Variants in PTPRS observed in about 807,000 individuals in gnomAD.
PTPRS encodes the protein receptor-type tyrosine-protein phosphatase S.
In PTPRS, 63 loss-of-function variants were observed where a neutral mutation model predicts 215.3. The ratio of observed to expected loss-of-function variants is 0.29; its 90% confidence interval spans 0.24 to 0.36. The LOEUF is 0.36. Among genes scored for constraint, PTPRS ranks in the 10% least tolerant of loss-of-function variants. The probability of loss-of-function intolerance (pLI) is 1.00; values close to 1 mark genes in which losing one functional copy is unlikely to be tolerated. For synonymous variants in PTPRS, 1,404 were observed against 1,191.4 expected (o/e 1.18, Z -3.68); for missense variants, 2,258 against 2,825.8 (o/e 0.80, Z 4.56).
chr19:5,220,929 C>G (rs573615789), intron 20 of PTPRS, 71 bp downstream of exon 20: 2 of 1,515,124 alleles, frequency 1.3e-6, no homozygotes, highest in Non-Finnish European at 1.8e-6. Context: ...AGAGAGGGCA[C>G]GTGGCTTGCC....
intron 9 of PTPRS, among the ~76,000 whole-genome samples, chr19:5,255,574 C>A (rs1324420093): frequency 3.0e-5 from 4 of 133,110 alleles, no homozygotes; most frequent in African/African-American, 8.5e-5. Context: ...GAAACAAAAC[C>A]AAAGAAAAAA....
chr19:5,307,520 G>T (rs2049537906), intron 1 of PTPRS, among the ~76,000 whole-genome samples: 1 of 152,016 alleles, frequency 6.6e-6, no homozygotes, highest in Admixed American at 6.6e-5. Flanking sequence ...TTAAGTGGGG[G>T]GGAAGAAAAC....
In PTPRS at chr19:5,274,187, A is replaced by C. The variant is rs757879729; in HGVS notation, c.237+12T>G. 3.1e-6 allele frequency: 5 copies of C among 1,604,786 alleles called. No homozygotes were observed. Among genetic ancestry groups the C allele is most frequent in the Non-Finnish European group, 4.3e-6 (5 of 1,172,926 alleles). ...CATTGACCCCAGGCTGCCTCCCCCT[A>C]CCCCAACTCACCTCAAAGCGCTGAG... On this transcript the variant is annotated intron_variant, in intron 3 of 37. Coordinates refer to ENST00000262963, the MANE Select transcript of PTPRS (RefSeq NM_002850.4).
intron 11 of PTPRS, among the ~76,000 whole-genome samples, chr19:5,243,351 G>T (rs1335302299): frequency 6.6e-6 from 1 of 151,604 alleles, no homozygotes; most frequent in Non-Finnish European, 1.5e-5. Flanking sequence ...GGCCAGGCTG[G>T]TCTCAAACTC....
rs557321158 is a variant in PTPRS at position 5,296,144 on chromosome 19, T to C, written c.-94-9910A>G. Reference sequence around the variant, plus strand: ...ACACAGTGACCAAGACTGACAAAGATCCCTGCCCTCAGGGTGTGGATGCTC... The same window carrying C: ...ACACAGTGACCAAGACTGACAAAGACCCCTGCCCTCAGGGTGTGGATGCTC... On this transcript the variant is annotated intron_variant, in intron 1 of 37. Coordinates refer to ENST00000262963, the MANE Select transcript of PTPRS (RefSeq NM_002850.4). Among the ~76,000 whole-genome samples, 11 of 152,204 alleles carry C rather than the reference T, an allele frequency of 7.2e-5. No individual in the cohort carries two copies. In the East Asian group the frequency reaches 2.1e-3, roughly 29 times the overall value.
chr19:5,288,293 C>G (rs2048533224), intron 1 of PTPRS, among the ~76,000 whole-genome samples: 1 of 152,098 alleles, frequency 6.6e-6, no homozygotes, highest in South Asian at 2.1e-4. Flanking sequence ...CATGTGCCAG[C>G]CAGCCAAATA....
intron 19 of PTPRS, 141 bp downstream of exon 19, chr19:5,221,982 A>C: frequency 3.0e-6 from 2 of 671,586 alleles, no homozygotes; most frequent in Non-Finnish European, 2.6e-6. Context: ...GTATTGACTA[A>C]GCCTCAATCC....
At chr19:5,280,045 G>T (rs2047717870) in intron 2 of PTPRS, among the ~76,000 whole-genome samples, 1 of 152,200 alleles carries the variant, frequency 6.6e-6, no homozygotes, top group South Asian at 2.1e-4. Flanking sequence ...AGAAAAAATG[G>T]AGCAAAACTT....
Position 5,216,171 on chromosome 19 carries a change from C to A in PTPRS, c.4096+549G>T, listed in dbSNP as rs185145642. Among the ~76,000 whole-genome samples, 94 of 152,236 alleles carry A rather than the reference C, an allele frequency of 6.2e-4. No individual in the cohort carries two copies. The East Asian group carries it at 0.018, about 28-fold the overall frequency. On this transcript the variant is annotated intron_variant, in intron 26 of 37. Transcript: ENST00000262963. ...TGAGGGGTCCCCATCTGTCCCTGCG[C>A]TTGCTTGGGGCAGGAGCAGGTGCAA...
chr19:5,277,008 A>G (rs2047429150), intron 2 of PTPRS, among the ~76,000 whole-genome samples: 2 of 151,134 alleles, frequency 1.3e-5, no homozygotes, highest in Admixed American at 1.3e-4. Flanking sequence ...GTACACAGTA[A>G]TGTTACAATG....
At chr19:5,228,361 A>AAAAAAAAAAAAAAAAAG (rs1555757601) in intron 16 of PTPRS, among the ~76,000 whole-genome samples, 4 of 144,056 alleles carry the variant, frequency 2.8e-5, no homozygotes, top group African/African-American at 1.1e-4. Context: ...AAAAAAAAAA[A>AAAAAAAAAAAAAAAAAG]AAGAGACAGG....
chr19:5,276,172 C>G (rs566790896), intron 2 of PTPRS, among the ~76,000 whole-genome samples: 2 of 152,212 alleles, frequency 1.3e-5, no homozygotes, highest in South Asian at 2.1e-4. Flanking sequence ...CCATGACGAT[C>G]TGATGTATTC....
intron 2 of PTPRS, among the ~76,000 whole-genome samples, chr19:5,284,410 A>G (rs1458147647): frequency 7.3e-6 from 1 of 136,218 alleles, no homozygotes; most frequent in Non-Finnish European, 1.6e-5. Context: ...TAAATAAATA[A>G]ATAAATAAAA....
intron 9 of PTPRS, among the ~76,000 whole-genome samples, chr19:5,255,856 C>T (rs973705563): frequency 3.3e-5 from 5 of 152,212 alleles, no homozygotes; most frequent in Non-Finnish European, 4.4e-5. Context: ...GGCCCTAGGC[C>T]GGGCTGGGCG....
At chr19:5,319,536 G>C (rs1169604037) in intron 1 of PTPRS, among the ~76,000 whole-genome samples, 1 of 150,596 alleles carries the variant, frequency 6.6e-6, no homozygotes, top group East Asian at 2.0e-4. Context: ...GTCAGGTCCT[G>C]TCCCTCCTCT....
rs980732208 is a variant in PTPRS at position 5,339,775 on chromosome 19, G to A, written c.-95+889C>T. ...CACCTCCCCTCCCCCCGCAGCCCCC[G>A]GGGGCTCCCGGGGCGTGCGGAACCC... On this transcript the variant is annotated intron_variant, in intron 1 of 37. Transcript: ENST00000262963. This position sits in a 1 kb window ranked among gnomAD's most constrained non-coding sequence, Gnocchi z 4.2. Among the ~76,000 whole-genome samples the A allele has an allele frequency of 6.6e-6, 1 of 151,442 alleles. No individual in the cohort carries two copies.
At chr19:5,209,558 T>C (rs2040671582) in intron 35 of PTPRS, among the ~76,000 whole-genome samples, 1 of 152,234 alleles carries the variant, frequency 6.6e-6, no homozygotes. Flanking sequence ...GTACCACCCA[T>C]TGGTTTATAC....
chr19:5,288,241 G>C (rs1280846558), intron 1 of PTPRS, among the ~76,000 whole-genome samples: 1 of 152,168 alleles, frequency 6.6e-6, no homozygotes, highest in South Asian at 2.1e-4. Flanking sequence ...CCGGCACACT[G>C]TCAGACTATA....
At chr19:5,284,416 TA>T (rs775455834) in intron 2 of PTPRS, among the ~76,000 whole-genome samples, 1 of 88,636 alleles carries the variant, frequency 1.1e-5, no homozygotes, top group Admixed American at 1.1e-4. Flanking sequence ...AATAAATAAA[TA>T]AAAATTAGCC....
Sources: allele counts gnomAD v4.1 joint callset (sites outside exome capture counted in the v4.1 genomes callset), GRCh38; gene constraint gnomAD v4.1.1; non-coding constraint Gnocchi (gnomAD v3.1); transcripts MANE v1.5; gene names NCBI Gene and HGNC (gene_info 2026-07-23, HGNC 2026-07-21).